TCHP: variants seen among roughly 807,000 people sequenced by gnomAD.
The protein encoded by TCHP is trichoplein keratin filament-binding protein.
In TCHP, 81 loss-of-function variants were observed where a neutral mutation model predicts 88.7. The observed-to-expected ratio is 0.91, with a 90% CI of 0.76 to 1.10. TCHP has a LOEUF of 1.10. Ranked by LOEUF, TCHP falls within the 50% of genes least tolerant of loss-of-function variation. TCHP has a pLI of 0.00. For missense variants in TCHP, 641 were observed against 632.1 expected (o/e 1.01, Z -0.15); for synonymous variants, 232 against 232.5 (o/e 1.00, Z 0.02).
chr12:109,914,413 AG>A, intron 10 of TCHP, 28 bp from the exon 11 acceptor site: 2 of 1,591,896 alleles, frequency 1.3e-6, no homozygotes, highest in African/African-American at 2.7e-5. Flanking sequence ...TCAACCTCAA[AG>A]CTGCCCTTTT....
At chr12:109,885,089 C>T in the TCHP span, among the ~76,000 whole-genome samples, 1 of 152,224 alleles carries the variant, frequency 6.6e-6, no homozygotes, top group Admixed American at 6.5e-5. Context: ...CTGCCTCAGC[C>T]TCCCGGGTAG....
chr12:109,885,489 T>G, the TCHP span, among the ~76,000 whole-genome samples: 20 of 149,382 alleles, frequency 1.3e-4, no homozygotes, highest in Admixed American at 1.3e-3. Flanking sequence ...TTTTTTTTTT[T>G]TTTTTTTTTT....
chr12:109,908,981 G>A (rs1870327137), intron 8 of TCHP, 44 bp downstream of exon 8: 2 of 1,581,664 alleles, frequency 1.3e-6, no homozygotes, highest in South Asian at 1.1e-5. Flanking sequence ...AGCCTCTTTT[G>A]TAAAAAAGGC....
chr12:109,885,776 C>G, the TCHP span, among the ~76,000 whole-genome samples: 1 of 151,752 alleles, frequency 6.6e-6, no homozygotes, highest in Non-Finnish European at 1.5e-5. Context: ...ACACCGCACC[C>G]CGCCTTTTTT....
chr12:109,908,998 T>TTTTTTATGAGTGCATTCTCATAAGAA, intron 8 of TCHP, 61 bp downstream of exon 8: 7 of 1,488,688 alleles, frequency 4.7e-6, no homozygotes, highest in Non-Finnish European at 6.5e-6. Flanking sequence ...AGGCCTTCCA[T>TTTTTTATGAGTGCATTCTCATAAGAA]TGCTTAGTAT....
chr12:109,895,114 T>C, the TCHP span, among the ~76,000 whole-genome samples: 1 of 152,110 alleles, frequency 6.6e-6, no homozygotes. Flanking sequence ...GTCTAAAATA[T>C]TCAAAATGGT....
At chr12:109,907,333 A>G (rs1870196119) in intron 5 of TCHP, among the ~76,000 whole-genome samples, 193 bp from the exon 6 acceptor site, 3 of 152,174 alleles carry the variant, frequency 2.0e-5, no homozygotes, top group Non-Finnish European at 4.4e-5. Context: ...TTCATTTTAG[A>G]AAGTGTTTTG....
In TCHP at chr12:109,908,629, G is replaced by A. The variant is rs143297503; in HGVS notation, c.743G>A (p.Arg248Gln). The A allele has an allele frequency of 1.2e-4, 193 of 1,603,224 alleles. No homozygotes were observed. In the Middle Eastern group the frequency reaches 3.0e-3, roughly 25 times the overall value. ...KKEQENLLKQ[R>Q]WELERLEEER... ...GAGCAGGAGAATCTGTTGAAGCAGC[G>A]GTGGGAGCTAGAGAGGCTGGAGGAA... The change falls in exon 7 of 13, where the codon CGG becomes CAG. Residue 248 changes from arginine to glutamine, a missense_variant. Physicochemically the swap from Arg to Gln is conservative, Grantham distance 43 (BLOSUM62 1). Coordinates refer to ENST00000405876, the MANE Select transcript of TCHP (RefSeq NM_001143852.2).
chr12:109,907,047 G>A (rs1260184361), intron 5 of TCHP, among the ~76,000 whole-genome samples: 3 of 152,138 alleles, frequency 2.0e-5, no homozygotes, highest in South Asian at 4.2e-4. Flanking sequence ...GCACCACTGC[G>A]CCCAGCTAAT....
rs769578614 is a variant in TCHP at position 109,911,204 on chromosome 12, G to A, written c.1021G>A (p.Ala341Thr). The change falls in exon 9 of 13, where the codon GCG becomes ACG. Residue 341 changes from alanine to threonine, a missense_variant. By Grantham distance (58) the Ala-to-Thr change is moderately conservative. Transcript: ENST00000405876. ...AIEEQLQLER[A>T]REAELQMLLR... ...TGAGGAGCAGCTGCAGCTGGAGCGGGCGCGGGAGGCAGAGCTGCAGATGCT... is the reference window on the plus strand; with the variant it reads ...TGAGGAGCAGCTGCAGCTGGAGCGGACGCGGGAGGCAGAGCTGCAGATGCT... The A allele has an allele frequency of 6.3e-7, 1 of 1,585,386 alleles. No individual in the cohort carries two copies. The highest frequency in any genetic ancestry group is 2.3e-5 in the East Asian group (1 of 43,748).
At chr12:109,896,760 C>T (rs1017107248), upstream of TCHP, among the ~76,000 whole-genome samples, 26 of 151,904 alleles carry the variant, frequency 1.7e-4, no homozygotes, top group African/African-American at 6.3e-4. Flanking sequence ...AAAAAAAATA[C>T]AAAAATTAGC....
At chr12:109,887,868 G>A in the TCHP span, 1 of 152,272 alleles carries the variant, frequency 6.6e-6, no homozygotes, top group African/African-American at 2.4e-5. Context: ...CTACCTCTTG[G>A]GCTCCAACGA....
At position 109,903,922 on chromosome 12, in the gene TCHP, C is replaced by T. The variant is rs1339907799; in HGVS notation, c.189-15C>T. 6.3e-7 allele frequency: 1 copy of T among 1,588,894 alleles called. No individual in the cohort carries two copies. Among genetic ancestry groups the T allele is most frequent in the Non-Finnish European group, 8.6e-7 (1 of 1,167,512 alleles). Reference sequence around the variant, plus strand: ...CTGTAGCATGATTGATTCAGGCAGGCCCCCTCTCACCCAGCATGCATGCCT... The same window carrying T: ...CTGTAGCATGATTGATTCAGGCAGGTCCCCTCTCACCCAGCATGCATGCCT... On this transcript the variant is annotated splice_polypyrimidine_tract_variant and intron_variant, in intron 2 of 12. Transcript: ENST00000405876. The surrounding 1 kb of genome is among the most constrained non-coding windows in gnomAD (Gnocchi z 4.6).
chr12:109,902,777 G>A (rs1869878316), intron 1 of TCHP, among the ~76,000 whole-genome samples: 1 of 152,202 alleles, frequency 6.6e-6, no homozygotes, highest in African/African-American at 2.4e-5. Flanking sequence ...AATTTAAAAG[G>A]ATGATTTGCA....
Position 109,913,048 on chromosome 12 carries a change from C to G in TCHP, c.1110C>G (p.Ser370Arg). The change falls in exon 10 of 13, where the codon AGC becomes AGG. Residue 370 changes from serine to arginine, a missense_variant. By Grantham distance (110) the Ser-to-Arg change is moderately radical. Transcript: ENST00000405876. ...AGGCAGAGTGGGCCCGAGAGCGCAG[C>G]GCACGGGACAGACTGATGAGCGAGG... is the stretch of plus-strand genomic sequence containing the variant. ...KREAEWARER[S>R]ARDRLMSEVL... 4 of 1,613,856 alleles carry G rather than the reference C, an allele frequency of 2.5e-6. No homozygotes were observed. Among genetic ancestry groups the G allele is most frequent in the Non-Finnish European group, 3.4e-6 (4 of 1,180,018 alleles).
At chr12:109,890,449 TGA>T in the TCHP span, among the ~76,000 whole-genome samples, 1 of 150,426 alleles carries the variant, frequency 6.6e-6, no homozygotes, top group Non-Finnish European at 1.5e-5. Context: ...GCAGCCTGGG[TGA>T]GAGAGCAAGA....
At chr12:109,895,466 C>A (rs911399765), upstream of TCHP, among the ~76,000 whole-genome samples, 20 of 151,960 alleles carry the variant, frequency 1.3e-4, no homozygotes, top group African/African-American at 4.4e-4. Flanking sequence ...CGATCCTCCT[C>A]GGCCTCCCAA....
chr12:109,901,427 G>A (rs1310367098), intron 1 of TCHP, among the ~76,000 whole-genome samples: 1 of 149,706 alleles, frequency 6.7e-6, no homozygotes, highest in Non-Finnish European at 1.5e-5. Flanking sequence ...AACTCCATCT[G>A]GTTCCCTCAT....
chr12:109,891,720 T>C, the TCHP span, among the ~76,000 whole-genome samples: 2 of 151,736 alleles, frequency 1.3e-5, no homozygotes, highest in Non-Finnish European at 2.9e-5. Flanking sequence ...GCTTTTTTTT[T>C]TGAGACGAAG....
Sources: allele counts gnomAD v4.1 joint callset (sites outside exome capture counted in the v4.1 genomes callset), GRCh38; gene constraint gnomAD v4.1.1; non-coding constraint Gnocchi (gnomAD v3.1); transcripts MANE v1.5; gene names NCBI Gene and HGNC (gene_info 2026-07-23, HGNC 2026-07-21).